Variants in SLC39A4 observed in about 807,000 individuals in gnomAD.
SLC39A4 encodes solute carrier family 39 member 4, also known as zinc transporter ZIP4.
A neutral mutation model predicts 56.6 loss-of-function variants in SLC39A4; 49 were observed. The observed-to-expected ratio is 0.87, with a 90% CI of 0.69 to 1.10. SLC39A4 has a LOEUF of 1.10. Ranked by LOEUF, SLC39A4 falls within the 50% of genes least tolerant of loss-of-function variation. The pLI is 0.00. For synonymous variants in SLC39A4, 540 were observed against 420.4 expected, an observed-to-expected ratio of 1.28 and a Z score of -3.48; for missense variants, 993 against 864.2, an observed-to-expected ratio of 1.15 and a Z score of -1.87.
rs1554871788 is a variant in SLC39A4 at position 144,412,564 on chromosome 8, G to A, written c.1918C>T (p.Leu640=). The A allele has an allele frequency of 8.1e-6, 13 of 1,614,198 alleles. No homozygotes were observed. The highest frequency in any genetic ancestry group is 1.1e-5 in the Non-Finnish European group (13 of 1,180,030). The part of the protein sequence containing the change: ...GGWTVLLLLS[L]YEDDITF The stretch of plus-strand genomic sequence containing the variant: ...CAGAAGGTGATGTCATCCTCGTACA[G>A]GGACAGCAGCAGCAGGACGGTCCAG... The change falls in exon 12 of 12, where the codon CTG becomes TTG. Residue 640 remains leucine (L), a synonymous_variant. Transcript: ENST00000301305.
chr8:144,412,646 T>G lies in SLC39A4; in HGVS notation c.1836A>C (p.Val612=), dbSNP rs1417807584. The change falls in exon 12 of 12, where the codon GTA becomes GTC. Residue 612 remains valine, a synonymous_variant. Transcript: ENST00000301305. Reference sequence around the variant, plus strand: ...AGAGGAGCCAGGGCCGCGGGTCCCGTACTTTCAACATCGCCGGGAGCTGAG... The same window carrying G: ...AGAGGAGCCAGGGCCGCGGGTCCCGGACTTTCAACATCGCCGGGAGCTGAG... ...LCDMLPAMLK[V]RDPRPWLLFL... is the part of the protein sequence containing the mutation. The G allele has an allele frequency of 6.2e-7, 1 of 1,614,044 alleles. No individual in the cohort carries two copies. Among genetic ancestry groups the G allele is most frequent in the African/African-American group, 1.3e-5 (1 of 75,056 alleles).
chr8:144,415,901 G>A lies in SLC39A4; in HGVS notation c.383C>T (p.Ala128Val). The change falls in exon 2 of 12, where the codon GCC (alanine) becomes GTC (valine). Residue 128 changes from alanine to valine, a missense_variant. Physicochemically the swap from Ala to Val is moderately conservative, Grantham distance 64. Transcript: ENST00000301305. ...LWASHADHLL[A>V]LLESPKALTP... The stretch of plus-strand genomic sequence containing the variant: ...CAGGGCCTTGGGGCTCTCGAGCAGG[G>A]CCAGGAGGTGGTCTGCATGAGAGGC... 1 of 1,595,910 alleles carries A rather than the reference G, an allele frequency of 6.3e-7. No homozygotes were observed. Among genetic ancestry groups the A allele is most frequent in the Non-Finnish European group, 8.5e-7 (1 of 1,174,408 alleles).
In SLC39A4 at chr8:144,413,798, G is replaced by T. The variant is rs782042283; in HGVS notation, c.1371C>A (p.Ser457Arg). ...GGGGGGGCTTGGGCTGCCGGAGCTC[G>T]CTGGGTGCCAGCTGCAGGGACACAC... ...SHGVSLQLAPSELRQPKPPHE... is the reference protein window; with the variant it reads ...SHGVSLQLAPRELRQPKPPHE... The change falls in exon 8 of 12, where the codon AGC becomes AGA. Residue 457 changes from serine to arginine, a missense_variant. Transcript: ENST00000301305. 1.8e-5 allele frequency: 28 copies of T among 1,561,306 alleles called. No homozygotes were observed. In the East Asian group the frequency reaches 2.3e-4, roughly 13 times the overall value.
At chr8:144,413,051 G>C (rs1311863518) in intron 10 of SLC39A4, 105 bp from the exon 11 acceptor site, 2 of 1,320,042 alleles carry the variant, frequency 1.5e-6, no homozygotes, top group African/African-American at 1.8e-5. Flanking sequence ...ACCTGTTCCC[G>C]GTCTCCCCGC....
At chr8:144,414,171 AGGTGG>A in intron 6 of SLC39A4, 76 bp from the exon 7 acceptor site, 1 of 1,566,426 alleles carries the variant, frequency 6.4e-7, no homozygotes, top group Non-Finnish European at 8.6e-7. Context: ...AGGGGTCAGG[AGGTGG>A]GGTGGGTAAG....
In SLC39A4 at chr8:144,413,961, CG is replaced by C; in HGVS notation, c.1283del (p.Pro428ArgfsTer55). 6.2e-7 allele frequency: 1 copy of C among 1,610,618 alleles called. No individual in the cohort carries two copies. Among genetic ancestry groups the C allele is most frequent in the Non-Finnish European group, 8.5e-7 (1 of 1,178,774 alleles). The stretch of plus-strand genomic sequence containing the variant: ...GTACCTTCCCAAGAAGCCTGACCTC[CG>C]GGTCCCTGGGCAGCAGGAGATTGAA... ...NLFNLLLPRD[P>X]EDLEDGPCGH... On this transcript the variant is annotated frameshift_variant, in exon 7 of 12. Coordinates refer to ENST00000301305, the MANE Select transcript of SLC39A4 (RefSeq NM_130849.4). LOFTEE classifies it high-confidence loss of function.
At chr8:144,415,541 TG>T in intron 2 of SLC39A4, 122 bp from the exon 3 acceptor site, 1 of 1,242,024 alleles carries the variant, frequency 8.1e-7, no homozygotes, top group Non-Finnish European at 1.1e-6. Flanking sequence ...CGCCCCTCCC[TG>T]GAGCCACAGC....
chr8:144,413,523 T>G lies in SLC39A4; in HGVS notation c.1464A>C (p.Arg488Ser), dbSNP rs1554872415. The G allele has an allele frequency of 7.1e-6, 11 of 1,556,478 alleles. No homozygotes were observed. The East Asian group carries it at 2.7e-4, about 38-fold the overall frequency. ...SPELLNPEPR[R>S]LSPELRLLPY... ...GCCCCCTGGGCTCACCTGGGCTCAGTCTCCTGGGCTCAGGGTTCAGCAGCT... is the reference window on the plus strand; with the variant it reads ...GCCCCCTGGGCTCACCTGGGCTCAGGCTCCTGGGCTCAGGGTTCAGCAGCT... Residue 488 changes from arginine (R) to serine (S), a missense_variant, in exon 9 of 12, where the codon AGA becomes AGC. Arg to Ser is a moderately radical substitution (Grantham distance 110). Transcript: ENST00000301305.
chr8:144,414,034 A>T lies in SLC39A4; in HGVS notation c.1211T>A (p.Leu404Gln). 1 of 1,586,414 alleles carries T rather than the reference A, an allele frequency of 6.3e-7. No individual in the cohort carries two copies. The highest frequency in any genetic ancestry group is 8.6e-7 in the Non-Finnish European group (1 of 1,166,202). Reference sequence around the variant, plus strand: ...GGCGTAGAGCCCGGCCAGCATAGCCAGGAGGCGCCAGGTGGGCTGTGGGCT... The same window carrying T: ...GGCGTAGAGCCCGGCCAGCATAGCCTGGAGGCGCCAGGTGGGCTGTGGGCT... ...GLSPQPTWRL[L>Q]AMLAGLYAFF... Residue 404 changes from leucine to glutamine, a missense_variant, in exon 7 of 12, where the codon CTG (leucine) becomes CAG (glutamine). Physicochemically the swap from Leu to Gln is moderately radical, Grantham distance 113. Transcript: ENST00000301305.
Position 144,414,417 on chromosome 8 carries a change from G to A in SLC39A4, c.994C>T (p.Leu332=), listed in dbSNP as rs1554873079. The A allele has an allele frequency of 6.4e-7, 1 of 1,560,996 alleles. No homozygotes were observed. Among genetic ancestry groups the A allele is most frequent in the Non-Finnish European group, 8.7e-7 (1 of 1,152,846 alleles). ...CAGAGGCAGATGAGCAGCGTGGCCA[G>A]GGAGCCGTACAGATACCCTGGGGGC... ...SQSERYLYGS[L]ATLLICLCAV... The change falls in exon 6 of 12, where the codon CTG becomes TTG. Residue 332 remains leucine, a synonymous_variant. Coordinates refer to ENST00000301305, the MANE Select transcript of SLC39A4 (RefSeq NM_130849.4).
chr8:144,413,709 G>A, intron 8 of SLC39A4, 41 bp downstream of exon 8: 1 of 1,535,486 alleles, frequency 6.5e-7, no homozygotes, highest in Non-Finnish European at 8.7e-7. Context: ...GGGTCGGTGG[G>A]AGGGGCTCCG....
intron 2 of SLC39A4, 65 bp downstream of exon 2, chr8:144,415,742 AGGC>A: frequency 6.7e-7 from 1 of 1,486,258 alleles, no homozygotes; most frequent in Middle Eastern, 2.5e-4. Context: ...CTTTGCAGCC[AGGC>A]CGGGTCCCAT....
chr8:144,416,303 C>T (rs1328176395), intron 1 of SLC39A4: 1 of 1,517,274 alleles, frequency 6.6e-7, no homozygotes, highest in Non-Finnish European at 8.8e-7. Context: ...CAACAGTGGT[C>T]CCCCATCCCC....
Position 144,412,477 on chromosome 8 carries a change from T to C in SLC39A4, c.*61A>G, listed in dbSNP as rs934570845. The C allele has an allele frequency of 4.2e-5, 67 of 1,613,440 alleles. No homozygotes were observed. Among genetic ancestry groups the C allele is most frequent in the Non-Finnish European group, 5.5e-5 (65 of 1,179,882 alleles). ...GGCCTCTATAGGGGCTTCTGGTTTC[T>C]GGGCTGTAGGTTTGTGAGGTGTGGG... On this transcript the variant is annotated 3_prime_UTR_variant, in exon 12 of 12. Coordinates refer to ENST00000301305, the MANE Select transcript of SLC39A4 (RefSeq NM_130849.4).
Position 144,416,005 on chromosome 8 carries a change from G to C in SLC39A4, c.279C>G (p.Val93=). 1.3e-6 allele frequency: 2 copies of C among 1,580,970 alleles called. No homozygotes were observed. Among genetic ancestry groups the C allele is most frequent in the Non-Finnish European group, 1.7e-6 (2 of 1,164,956 alleles). The part of the protein sequence containing the change: ...PPGPVLEARY[V]ARLSAAAVLY... ...GGACGGCGGCGGCACTGAGGCGGGC[G>C]ACGTACCTGGCCTCCAGGACCGGGC... is the stretch of plus-strand genomic sequence containing the variant. Residue 93 remains valine, a synonymous_variant, in exon 2 of 12, where the codon GTC becomes GTG. Transcript: ENST00000301305.
chr8:144,416,350 A>G lies in SLC39A4; in HGVS notation c.192+248T>C, dbSNP rs1457209922. ...CTGGAGCCACTGCCAATTTGATGGC[A>G]GAGGGCCGGCAGGGGGAGTTGGCCC... On this transcript the variant is annotated intron_variant, in intron 1 of 11. Transcript: ENST00000301305. The G allele has an allele frequency of 2.0e-6, 3 of 1,463,768 alleles. No homozygotes were observed. In the East Asian group the frequency reaches 7.4e-5, roughly 36 times the overall value. 90.7% of individuals were successfully genotyped at this position (1,463,768 alleles called of 1,614,324 possible). A position where few individuals can be genotyped will look rare whatever the true frequency, so the allele number is the denominator to read the frequency against.
chr8:144,414,623 C>T (rs1586652337), intron 5 of SLC39A4, 102 bp downstream of exon 5: 2 of 1,544,710 alleles, frequency 1.3e-6, no homozygotes, highest in South Asian at 1.2e-5. Flanking sequence ...TACTTCCAGC[C>T]CCTGCTCACT....
chr8:144,416,113 C>T, intron 1 of SLC39A4, 22 bp from the exon 2 acceptor site: 2 of 1,600,136 alleles, frequency 1.2e-6, no homozygotes, highest in Non-Finnish European at 1.7e-6. Flanking sequence ...GACAAGTGAG[C>T]AGGGGCGCTG....
intron 5 of SLC39A4, 113 bp from the exon 6 acceptor site, chr8:144,414,547 G>T: frequency 2.6e-6 from 4 of 1,511,182 alleles, no homozygotes; most frequent in Admixed American, 2.0e-5. Context: ...CCTCACTCAG[G>T]CTGACCCTCC....
Sources: allele counts gnomAD v4.1 joint callset, GRCh38; gene constraint gnomAD v4.1.1; transcripts MANE v1.5; gene names NCBI Gene and HGNC (gene_info 2026-07-23, HGNC 2026-07-21).